The following CAMK2D variants were observed in gnomAD, a reference collection of about 807,000 sequenced individuals.
The protein encoded by CAMK2D is calcium/calmodulin dependent protein kinase II delta, also known as calcium/calmodulin-dependent protein kinase type II subunit delta.
In CAMK2D, 37 loss-of-function variants were observed where a neutral mutation model predicts 84.0. The observed-to-expected ratio is 0.44, with a 90% CI of 0.34 to 0.58. The LOEUF (loss-of-function observed/expected upper bound fraction) is 0.58. CAMK2D is among the 20% of genes least tolerant of loss of function. The probability of loss-of-function intolerance (pLI) is 0.02; values close to 1 mark genes in which losing one functional copy is unlikely to be tolerated. For missense variants in CAMK2D, 448 were observed against 652.5 expected (o/e 0.69, Z 3.41); for synonymous variants, 202 against 212.5 (o/e 0.95, Z 0.43).
Position 113,661,777 on chromosome 4 carries a change from T to TAAA in CAMK2D, c.161-8_161-6dup. 23 of 1,209,964 alleles carry TAAA rather than the reference T, an allele frequency of 1.9e-5. No homozygotes were observed. The highest frequency in any genetic ancestry group is 3.3e-5 in the South Asian group (2 of 61,084). The allele number at this position is 1,209,964 out of a possible 1,614,324, so 75.0% of individuals were successfully genotyped here. On this transcript the variant is annotated splice_region_variant and splice_polypyrimidine_tract_variant and intron_variant, in intron 2 of 20. Coordinates refer to ENST00000511664, the MANE Select transcript of CAMK2D (RefSeq NM_001321571.2). ...CTCTTTCTAGTTTCTGATGATCTGTTAAAAAAAAAAACAGAATAAGGCAAA... is the reference window on the plus strand; with the variant it reads ...CTCTTTCTAGTTTCTGATGATCTGTTAAAAAAAAAAAAAACAGAATAAGGCAAA...
chr4:113,759,602 T>C (rs1417835555), intron 1 of CAMK2D, among the ~76,000 whole-genome samples, 188 bp from the exon 2 acceptor site: 1 of 152,244 alleles, frequency 6.6e-6, no homozygotes, highest in Non-Finnish European at 1.5e-5. Context: ...TAAATTTTAT[T>C]TAACTGGGAG....
Position 113,588,249 on chromosome 4 carries a change from G to C in CAMK2D, c.275+20903C>G, listed in dbSNP as rs182747781. Among the ~76,000 whole-genome samples, 227 of 152,228 alleles carry C rather than the reference G, an allele frequency of 1.5e-3. 1 individual carries two copies. The highest frequency in any genetic ancestry group is 3.4e-3 in the Middle Eastern group (1 of 294). On this transcript the variant is annotated intron_variant, in intron 4 of 20. Coordinates refer to ENST00000511664, the MANE Select transcript of CAMK2D (RefSeq NM_001321571.2). ...TTAGTATCAGGCTCCCCGGGTAATT[G>C]AATATCCTACTTTACTTGCTGGCTA...
intron 3 of CAMK2D, among the ~76,000 whole-genome samples, chr4:113,628,947 A>G (rs1238125490): frequency 2.0e-5 from 3 of 152,092 alleles, no homozygotes; most frequent in Non-Finnish European, 4.4e-5. Context: ...GCCAAACTGC[A>G]CCAACAATGC....
intron 2 of CAMK2D, among the ~76,000 whole-genome samples, chr4:113,670,152 T>G (rs1015829485): frequency 2.7e-4 from 41 of 152,172 alleles, no homozygotes; most frequent in Non-Finnish European, 1.8e-4. Flanking sequence ...CATGGTAGCG[T>G]GGGCCTGTAC....
chr4:113,493,390 C>T (rs1270939797), intron 16 of CAMK2D, among the ~76,000 whole-genome samples: 4 of 150,840 alleles, frequency 2.7e-5, no homozygotes, highest in African/African-American at 9.7e-5. Context: ...TTTATTTCTC[C>T]TTCACTTATG....
chr4:113,471,285 C>T (rs1252288289), intron 16 of CAMK2D, among the ~76,000 whole-genome samples: 4 of 152,080 alleles, frequency 2.6e-5, no homozygotes, highest in African/African-American at 9.7e-5. Flanking sequence ...CATCCTTAGC[C>T]TCTTAATTAT....
chr4:113,704,291 C>A (rs1282863176), intron 2 of CAMK2D, among the ~76,000 whole-genome samples: 1 of 151,510 alleles, frequency 6.6e-6, no homozygotes, highest in East Asian at 1.9e-4. Flanking sequence ...ATTTTTTTTC[C>A]TTGTGCCTAC....
intron 3 of CAMK2D, among the ~76,000 whole-genome samples, chr4:113,613,987 A>G (rs1435039375): frequency 1.3e-5 from 2 of 152,146 alleles, no homozygotes; most frequent in Non-Finnish European, 2.9e-5. Context: ...AACTGTGTCA[A>G]CAGTGATTAG....
At position 113,706,228 on chromosome 4, in the gene CAMK2D, G is replaced by A. The variant is rs115985793; in HGVS notation, c.161-44456C>T. 3.6e-3 allele frequency among the ~76,000 whole-genome samples: 550 copies of A among 152,268 alleles called. 3 individuals are homozygous for A. The highest frequency in any genetic ancestry group is 0.012 in the African/African-American group (513 of 41,552). ...TGAACATCCTCTCAAGTACTGTACAGCACTTACTGAATGAACATGAACTTT... is the reference window on the plus strand; with the variant it reads ...TGAACATCCTCTCAAGTACTGTACAACACTTACTGAATGAACATGAACTTT... On this transcript the variant is annotated intron_variant, in intron 2 of 20. Transcript: ENST00000511664.
At chr4:113,664,693 T>G (rs1438045547) in intron 2 of CAMK2D, among the ~76,000 whole-genome samples, 1 of 152,072 alleles carries the variant, frequency 6.6e-6, no homozygotes, top group Non-Finnish European at 1.5e-5. Flanking sequence ...ATGTTTTCCA[T>G]ATTCAATTGG....
chr4:113,691,129 C>T (rs780444977), intron 2 of CAMK2D, among the ~76,000 whole-genome samples: 2 of 152,144 alleles, frequency 1.3e-5, no homozygotes, highest in Non-Finnish European at 2.9e-5. Context: ...ACCACCATCA[C>T]TGTCACAAAA....
intron 7 of CAMK2D, among the ~76,000 whole-genome samples, chr4:113,533,324 A>C (rs2098470049): frequency 2.0e-5 from 3 of 152,100 alleles, no homozygotes; most frequent in Admixed American, 1.3e-4. Flanking sequence ...GTACGGTACA[A>C]TGTGACCTCA....
At chr4:113,536,543 C>A (rs987481767) in intron 7 of CAMK2D, among the ~76,000 whole-genome samples, 2 of 152,122 alleles carry the variant, frequency 1.3e-5, no homozygotes, top group African/African-American at 4.8e-5. Flanking sequence ...AATTATCTAA[C>A]CTCAACACAC....
chr4:113,693,254 A>G (rs2154342706), intron 2 of CAMK2D, among the ~76,000 whole-genome samples: 1 of 152,318 alleles, frequency 6.6e-6, no homozygotes, highest in Middle Eastern at 3.4e-3. Flanking sequence ...TGTACAGTTT[A>G]TGAGCCCCAA....
At position 113,495,739 on chromosome 4, in the gene CAMK2D, A is replaced by C. The variant is rs533427721; in HGVS notation, c.1135+4724T>G. 4.6e-5 allele frequency among the ~76,000 whole-genome samples: 7 copies of C among 152,250 alleles called. No individual in the cohort carries two copies. The South Asian group carries it at 1.5e-3, about 32-fold the overall frequency. On this transcript the variant is annotated intron_variant, in intron 16 of 20. Coordinates refer to ENST00000511664, the MANE Select transcript of CAMK2D (RefSeq NM_001321571.2). ...GTAAAAAGGAATTCAAGAAGGATGA[A>C]GTCTCCACACACAGTCTCATAGCCA...
intron 2 of CAMK2D, among the ~76,000 whole-genome samples, chr4:113,724,487 G>C (rs2099540236): frequency 6.6e-6 from 1 of 151,258 alleles, no homozygotes; most frequent in Non-Finnish European, 1.5e-5. Flanking sequence ...AAATATTAAT[G>C]TATTTAATAA....
At chr4:113,601,683 C>CTTTTATTTT (rs2098953125) in intron 4 of CAMK2D, among the ~76,000 whole-genome samples, 1 of 45,816 alleles carries the variant, frequency 2.2e-5, no homozygotes, top group Non-Finnish European at 3.9e-5. Flanking sequence ...ACTGTTTATT[C>CTTTTATTTT]TTTTTTTTTT....
At chr4:113,650,679 T>C (rs921608484) in intron 3 of CAMK2D, among the ~76,000 whole-genome samples, 3 of 152,198 alleles carry the variant, frequency 2.0e-5, no homozygotes, top group Non-Finnish European at 4.4e-5. Context: ...GTGAGCATTT[T>C]GCTCTAAATG....
chr4:113,629,075 A>G (rs2099078946), intron 3 of CAMK2D, among the ~76,000 whole-genome samples: 1 of 152,106 alleles, frequency 6.6e-6, no homozygotes, highest in Non-Finnish European at 1.5e-5. Context: ...CACTGGAATT[A>G]AGGGACTAAT....
Sources: allele counts gnomAD v4.1 joint callset (sites outside exome capture counted in the v4.1 genomes callset), GRCh38; gene constraint gnomAD v4.1.1; transcripts MANE v1.5; gene names NCBI Gene and HGNC (gene_info 2026-07-23, HGNC 2026-07-21).